The following LRRC4C variants were observed in gnomAD, a reference collection of about 807,000 sequenced individuals.
LRRC4C encodes the protein leucine rich repeat containing 4C.
A neutral mutation model predicts 33.6 loss-of-function variants in LRRC4C; 5 were observed. The observed-to-expected ratio is 0.15, with a 90% CI of 0.08 to 0.31. The LOEUF is 0.31. Ranked by LOEUF, LRRC4C falls within the 10% of genes least tolerant of loss-of-function variation. LRRC4C has a pLI of 1.00. For synonymous variants in LRRC4C, 329 were observed against 302.0 expected (o/e 1.09, Z -0.93); for missense variants, 560 against 796.7 (o/e 0.70, Z 3.58).
intron 1 of LRRC4C, among the ~76,000 whole-genome samples, chr11:41,132,673 A>G (rs1306376731): frequency 2.6e-5 from 4 of 152,174 alleles, no homozygotes; most frequent in Non-Finnish European, 5.9e-5. Flanking sequence ...TGTTTTGTTC[A>G]AATTTTCTAC....
chr11:41,222,210 A>T (rs1303365398), intron 1 of LRRC4C, among the ~76,000 whole-genome samples: 1 of 152,182 alleles, frequency 6.6e-6, no homozygotes, highest in African/African-American at 2.4e-5. Flanking sequence ...TCCTCTTCTT[A>T]TTGAAAATCA....
At chr11:40,850,190 G>A (rs1001338384) in intron 2 of LRRC4C, among the ~76,000 whole-genome samples, 1 of 151,710 alleles carries the variant, frequency 6.6e-6, no homozygotes. Flanking sequence ...GAGGAGTTGT[G>A]ATCCTTTGGA....
At chr11:40,754,013 C>T (rs956200172) in intron 2 of LRRC4C, among the ~76,000 whole-genome samples, 3 of 151,286 alleles carry the variant, frequency 2.0e-5, no homozygotes, top group East Asian at 2.0e-4. Context: ...TATATATATA[C>T]ACACACACAT....
At chr11:40,809,757 C>T (rs1186964631) in intron 2 of LRRC4C, among the ~76,000 whole-genome samples, 2 of 152,160 alleles carry the variant, frequency 1.3e-5, no homozygotes, top group Non-Finnish European at 2.9e-5. Context: ...CAGATCCTGG[C>T]ATCATGCCTT....
chr11:41,412,395 T>A (rs1472393822), intron 1 of LRRC4C, among the ~76,000 whole-genome samples: 1 of 152,222 alleles, frequency 6.6e-6, no homozygotes, highest in East Asian at 1.9e-4. Context: ...TAACTTATGG[T>A]ACAATTAATC....
At chr11:41,155,920 C>A (rs1387132895) in intron 1 of LRRC4C, among the ~76,000 whole-genome samples, 1 of 152,034 alleles carries the variant, frequency 6.6e-6, no homozygotes. Context: ...GAATAAGGCA[C>A]CATAAATCTG....
chr11:41,118,479 C>T (rs1215549338), intron 1 of LRRC4C, among the ~76,000 whole-genome samples: 1 of 152,178 alleles, frequency 6.6e-6, no homozygotes, highest in Non-Finnish European at 1.5e-5. Context: ...AAGCTTAGAA[C>T]AAAATTATCT....
At chr11:41,072,216 CA>C (rs924136717) in intron 1 of LRRC4C, among the ~76,000 whole-genome samples, 2 of 133,604 alleles carry the variant, frequency 1.5e-5, no homozygotes, top group Non-Finnish European at 3.2e-5. Flanking sequence ...AAAATGCTGT[CA>C]AACAGCACTG....
intron 1 of LRRC4C, among the ~76,000 whole-genome samples, chr11:41,330,805 A>T (rs550013829): frequency 6.6e-6 from 1 of 151,982 alleles, no homozygotes; most frequent in Non-Finnish European, 1.5e-5. Flanking sequence ...TAATAAGATT[A>T]TAAGTATATA....
intron 3 of LRRC4C, among the ~76,000 whole-genome samples, chr11:40,439,837 T>C (rs773289814): frequency 5.3e-5 from 8 of 152,148 alleles, no homozygotes; most frequent in Non-Finnish European, 1.0e-4. Flanking sequence ...AAAAGTAACA[T>C]GACCCAGGCC....
chr11:40,608,609 C>A (rs1960880683), intron 3 of LRRC4C, among the ~76,000 whole-genome samples: 1 of 151,728 alleles, frequency 6.6e-6, no homozygotes, highest in Admixed American at 6.6e-5. Flanking sequence ...AATTGATTAA[C>A]AAAAATAAAA....
intron 3 of LRRC4C, among the ~76,000 whole-genome samples, chr11:40,324,568 A>G (rs1946005834): frequency 6.6e-6 from 1 of 152,208 alleles, no homozygotes; most frequent in Non-Finnish European, 1.5e-5. Context: ...AGCACTAACT[A>G]TGCACCAGGG....
chr11:40,208,589 T>A (rs998298182), intron 5 of LRRC4C, among the ~76,000 whole-genome samples: 2 of 152,172 alleles, frequency 1.3e-5, no homozygotes. Flanking sequence ...AAAAAAGCCC[T>A]GACAACTGAA....
intron 2 of LRRC4C, among the ~76,000 whole-genome samples, chr11:40,896,486 A>G (rs4482016): frequency 0.86 from 131,090 of 151,974 alleles, 57,152 homozygotes; most frequent in Non-Finnish European, 0.93. Context: ...TACAAATCTT[A>G]AATAACTTGA....
chr11:40,380,041 A>T (rs1948804679), intron 3 of LRRC4C, among the ~76,000 whole-genome samples: 1 of 152,226 alleles, frequency 6.6e-6, no homozygotes, highest in African/African-American at 2.4e-5. Context: ...TTTATGAACT[A>T]TTAAGACAGT....
At chr11:40,912,234 C>A (rs1451934917) in intron 2 of LRRC4C, among the ~76,000 whole-genome samples, 2 of 152,002 alleles carry the variant, frequency 1.3e-5, no homozygotes, top group African/African-American at 4.8e-5. Context: ...AACTCCAAGA[C>A]ACATAATTGT....
intron 1 of LRRC4C, among the ~76,000 whole-genome samples, chr11:41,008,854 T>A (rs1854954876): frequency 6.6e-6 from 1 of 152,214 alleles, no homozygotes; most frequent in Admixed American, 6.5e-5. Context: ...AAAAACTCCT[T>A]TATGGCTCCC....
chr11:40,237,042 TTTC>T (rs1444496444), intron 5 of LRRC4C, among the ~76,000 whole-genome samples: 2 of 152,170 alleles, frequency 1.3e-5, no homozygotes, highest in Admixed American at 1.3e-4. Context: ...TAAAAAGCAA[TTTC>T]TGCATATTAA....
chr11:41,190,173 G>A (rs928408738), intron 1 of LRRC4C, among the ~76,000 whole-genome samples: 1 of 152,084 alleles, frequency 6.6e-6, no homozygotes, highest in Non-Finnish European at 1.5e-5. Flanking sequence ...TTCTGTAGAA[G>A]TAGAGAGGTC....
Sources: allele counts gnomAD v4.1 joint callset (sites outside exome capture counted in the v4.1 genomes callset), GRCh38; gene constraint gnomAD v4.1.1; transcripts MANE v1.5; gene names NCBI Gene and HGNC (gene_info 2026-07-23, HGNC 2026-07-21).